Variants in TMEM209 observed in about 807,000 individuals in gnomAD.
The protein encoded by TMEM209 is transmembrane protein 209.
Under a neutral mutation model 76.2 loss-of-function variants are expected in TMEM209, and 65 were observed. The ratio of observed to expected loss-of-function variants is 0.85; its 90% CI spans 0.70 to 1.05. TMEM209 has a LOEUF of 1.05. TMEM209 is among the 50% of genes least tolerant of loss of function. TMEM209 has a pLI of 0.00. For synonymous variants in TMEM209, 239 were observed against 237.6 expected (o/e 1.01, Z -0.06); for missense variants, 623 against 685.5 (o/e 0.91, Z 1.02).
intron 1 of TMEM209, chr7:130,204,871 A>G (rs1362588413): frequency 3.2e-6 from 3 of 934,314 alleles, no homozygotes; most frequent in East Asian, 1.8e-4. Flanking sequence ...CGCCATTACT[A>G]TCTCAACAAC....
At position 130,175,421 on chromosome 7, in the gene TMEM209, C is replaced by T. The variant is rs186651979; in HGVS notation, c.1344+91G>A. 6 of 1,196,234 alleles carry T rather than the reference C, an allele frequency of 5.0e-6. No individual in the cohort carries two copies. In the Admixed American group the frequency reaches 1.3e-4, roughly 25 times the overall value. The allele number at this position is 1,196,234 out of a possible 1,614,324, so 74.1% of individuals were successfully genotyped here. A position where few individuals can be genotyped will look rare whatever the true frequency, so the allele number is the denominator to read the frequency against. On this transcript the variant is annotated intron_variant, in intron 11 of 14. Transcript: ENST00000397622. ...AAGCTGCAGTGAGACGTGACTGTGC[C>T]ACTGCACTACAGCCTGGGTGACAGA...
intron 10 of TMEM209, among the ~76,000 whole-genome samples, chr7:130,176,970 A>G (rs1584671013): frequency 6.9e-6 from 1 of 144,782 alleles, no homozygotes; most frequent in Non-Finnish European, 1.5e-5. Flanking sequence ...GGAGCTATAC[A>G]CTCCTGCACT....
At chr7:130,204,338 G>C (rs1798343421) in intron 1 of TMEM209, among the ~76,000 whole-genome samples, 1 of 151,946 alleles carries the variant, frequency 6.6e-6, no homozygotes, top group Middle Eastern at 3.2e-3. Context: ...GAAGTGGCTG[G>C]TTATTTATCT....
chr7:130,180,060 C>A (rs1465008632), intron 9 of TMEM209, among the ~76,000 whole-genome samples: 1 of 152,014 alleles, frequency 6.6e-6, no homozygotes, highest in African/African-American at 2.4e-5. Context: ...CAAATGTATA[C>A]AAAGATTTAG....
intron 5 of TMEM209, among the ~76,000 whole-genome samples, chr7:130,198,870 G>A (rs1417374747): frequency 6.6e-6 from 1 of 151,970 alleles, no homozygotes; most frequent in Non-Finnish European, 1.5e-5. Context: ...CAAATAGAAA[G>A]GTACAATATT....
intron 7 of TMEM209, 124 bp from the exon 8 acceptor site, chr7:130,184,379 AT>A (rs1584679256): frequency 1.6e-6 from 1 of 623,790 alleles, no homozygotes; most frequent in East Asian, 2.8e-5. Flanking sequence ...AAACATCAAT[AT>A]TCATCTAATT....
At position 130,201,989 on chromosome 7, in the gene TMEM209, G is replaced by C; in HGVS notation, c.434C>G (p.Ser145Cys). The C allele has an allele frequency of 6.2e-7, 1 of 1,613,928 alleles. No individual in the cohort carries two copies. Among genetic ancestry groups the C allele is most frequent in the African/African-American group, 1.3e-5 (1 of 75,006 alleles). ...CTTGGGACTGGTACTGGGCGAACGA[G>C]AAGGGCTATAACTCAACACACTCTG... ...QGQSVLSYSPSRSPSTSPKFT... is the reference protein window; with the variant it reads ...QGQSVLSYSPCRSPSTSPKFT... The change falls in exon 5 of 15, where the codon TCT becomes TGT. Residue 145 changes from serine to cysteine, a missense_variant. Physicochemically the swap from Ser to Cys is moderately radical, Grantham distance 112. Transcript: ENST00000397622.
intron 1 of TMEM209, 81 bp from the exon 2 acceptor site, chr7:130,204,191 A>C: frequency 6.9e-7 from 1 of 1,446,938 alleles, no homozygotes; most frequent in Non-Finnish European, 9.2e-7. Flanking sequence ...ATCCCTTATA[A>C]AGGTAACTGA....
chr7:130,169,417 A>G (rs1242231057), intron 14 of TMEM209, among the ~76,000 whole-genome samples: 1 of 152,202 alleles, frequency 6.6e-6, no homozygotes, highest in African/African-American at 2.4e-5. Context: ...TTTTAAGAAC[A>G]TATTTCACTT....
rs567516073 is a variant in TMEM209, at chr7:130,180,483, C to T, written c.1120+1140G>A. ...TCCAGGGTTCAAGCGATTCTCCTGC[C>T]TCAGCCTCCCGAGTAGCTGGGATTA... is the stretch of plus-strand genomic sequence containing the variant. On this transcript the variant is annotated intron_variant, in intron 9 of 14. Coordinates refer to ENST00000397622, the MANE Select transcript of TMEM209 (RefSeq NM_032842.4). Among the ~76,000 whole-genome samples, 10 of 152,184 alleles carry T rather than the reference C, an allele frequency of 6.6e-5. No individual in the cohort carries two copies. The East Asian group carries it at 1.9e-3, about 29-fold the overall frequency.
chr7:130,172,384 C>A (rs1016991161), intron 13 of TMEM209, among the ~76,000 whole-genome samples: 9 of 151,800 alleles, frequency 5.9e-5, no homozygotes, highest in African/African-American at 2.2e-4. Flanking sequence ...GCTCTGCCAC[C>A]CAGGCTGGAG....
intron 13 of TMEM209, among the ~76,000 whole-genome samples, chr7:130,172,390 T>G (rs577756270): frequency 2.6e-5 from 4 of 152,196 alleles, no homozygotes; most frequent in Admixed American, 6.5e-5. Flanking sequence ...CCACCCAGGC[T>G]GGAGTGCAGT....
intron 8 of TMEM209, chr7:130,181,921 G>T (rs1797434628): frequency 2.2e-6 from 1 of 453,870 alleles, no homozygotes; most frequent in Non-Finnish European, 4.0e-6. Flanking sequence ...TGCCACTGGA[G>T]TGTAAATTAA....
At chr7:130,175,741 T>C in intron 10 of TMEM209, 132 bp from the exon 11 acceptor site, 1 of 664,626 alleles carries the variant, frequency 1.5e-6, no homozygotes, top group Non-Finnish European at 2.5e-6. Flanking sequence ...CCTAAAGAAA[T>C]AAAAGATATA....
chr7:130,197,842 T>C lies in TMEM209; in HGVS notation c.573+4008A>G, dbSNP rs1798042626. On this transcript the variant is annotated intron_variant, in intron 5 of 14. Coordinates refer to ENST00000397622, the MANE Select transcript of TMEM209 (RefSeq NM_032842.4). The stretch of plus-strand genomic sequence containing the variant: ...TCTGCTGATTTGACAGATTTGTCTA[T>C]TTTATGGGATTTCCCATGCACACAG... 1.3e-5 allele frequency among the ~76,000 whole-genome samples: 2 copies of C among 152,236 alleles called. 1 individual carries two copies. Among genetic ancestry groups the C allele is most frequent in the South Asian group, 4.1e-4 (2 of 4,828 alleles).
chr7:130,204,721 A>T (rs1584705227), intron 1 of TMEM209, among the ~76,000 whole-genome samples: 1 of 152,242 alleles, frequency 6.6e-6, no homozygotes, highest in African/African-American at 2.4e-5. Context: ...ATGTCTAGAA[A>T]TACTTTGTAT....
chr7:130,168,372 C>G (rs975629484), intron 14 of TMEM209, among the ~76,000 whole-genome samples: 1 of 152,072 alleles, frequency 6.6e-6, no homozygotes, highest in Admixed American at 6.5e-5. Flanking sequence ...ATTAGGGATG[C>G]TCAGTAATTA....
chr7:130,174,169 T>G (rs1449358642), intron 11 of TMEM209, among the ~76,000 whole-genome samples: 2 of 152,182 alleles, frequency 1.3e-5, no homozygotes, highest in African/African-American at 4.8e-5. Context: ...ACTGAAAGTA[T>G]TATTTCCTAC....
In TMEM209 at chr7:130,185,173, A is replaced by T; in HGVS notation, c.951+19T>A. 6.3e-7 allele frequency: 1 copy of T among 1,595,048 alleles called. No homozygotes were observed. Among genetic ancestry groups the T allele is most frequent in the Non-Finnish European group, 8.5e-7 (1 of 1,169,692 alleles). On this transcript the variant is annotated intron_variant, in intron 7 of 14. Transcript: ENST00000397622. The stretch of plus-strand genomic sequence containing the variant: ...ATGCATAAATCATAAATATTAAGTC[A>T]CTTTTATTTTCCACTTACCTCTTCT...
Sources: allele counts gnomAD v4.1 joint callset (sites outside exome capture counted in the v4.1 genomes callset), GRCh38; gene constraint gnomAD v4.1.1; transcripts MANE v1.5; gene names NCBI Gene and HGNC (gene_info 2026-07-23, HGNC 2026-07-21).